Variants in OSBPL10 observed in about 807,000 individuals in gnomAD.
OSBPL10 encodes oxysterol binding protein like 10.
Under a neutral mutation model 81.7 loss-of-function variants are expected in OSBPL10, and 49 were observed. The ratio of observed to expected loss-of-function variants is 0.60; its 90% CI spans 0.48 to 0.76. The LOEUF is 0.76. OSBPL10 is among the 30% of genes least tolerant of loss of function. The pLI, the probability that OSBPL10 is intolerant of heterozygous loss-of-function variation, is 0.00. For synonymous variants in OSBPL10, 419 were observed against 383.6 expected (o/e 1.09, Z -1.08); for missense variants, 923 against 987.8 (o/e 0.93, Z 0.88).
At chr3:31,748,267 C>G (rs1428580658) in intron 4 of OSBPL10, 147 bp from the exon 5 acceptor site, 4 of 737,110 alleles carry the variant, frequency 5.4e-6, no homozygotes, top group African/African-American at 1.7e-5. Flanking sequence ...GATAAATACT[C>G]AATCCTGGGT....
At chr3:31,722,028 T>C (rs950809064) in intron 6 of OSBPL10, among the ~76,000 whole-genome samples, 3 of 152,134 alleles carry the variant, frequency 2.0e-5, no homozygotes, top group African/African-American at 2.4e-5. Context: ...CCCCATATCA[T>C]GAAACAGCTT....
At chr3:31,915,815 C>CG (rs1268709804) in intron 1 of OSBPL10, among the ~76,000 whole-genome samples, 3 of 151,998 alleles carry the variant, frequency 2.0e-5, no homozygotes, top group African/African-American at 7.2e-5. Context: ...AAATCCAGGC[C>CG]GGGAGTGGTA....
At chr3:32,058,831 G>A (rs1699733391) in intron 1 of OSBPL10, among the ~76,000 whole-genome samples, 1 of 152,152 alleles carries the variant, frequency 6.6e-6, no homozygotes, top group Admixed American at 6.5e-5. Flanking sequence ...GGGACTACAT[G>A]TATGCACCAC....
Position 32,070,491 on chromosome 3 carries a change from T to C in OSBPL10, n.185+6905A>G, listed in dbSNP as rs144937008. 9.0e-3 allele frequency among the ~76,000 whole-genome samples: 1,376 copies of C among 152,080 alleles called. 16 individuals are homozygous for C. Among genetic ancestry groups the C allele is most frequent in the Middle Eastern group, 0.034 (10 of 294 alleles). ...TTCCTCTCATATCCCCCAACCTTAA[T>C]CCACAAATATGGGACACCTCCACTC... is the stretch of plus-strand genomic sequence containing the variant. On this transcript the variant is annotated intron_variant and non_coding_transcript_variant, in intron 1 of 3. Transcript: ENST00000479173.
intron 2 of OSBPL10, among the ~76,000 whole-genome samples, chr3:32,022,346 T>C (rs1434261921): frequency 6.6e-6 from 1 of 152,152 alleles, no homozygotes; most frequent in Admixed American, 6.5e-5. Context: ...AACTCCCAGA[T>C]GGTTTACAGG....
At position 31,662,820 on chromosome 3, in the gene OSBPL10, C is replaced by G. The variant is rs1476244706; in HGVS notation, c.2251-704G>C. 8 of 985,288 alleles carry G rather than the reference C, an allele frequency of 8.1e-6. No individual in the cohort carries two copies. The East Asian group carries it at 6.8e-4, about 84-fold the overall frequency. 61.0% of individuals were successfully genotyped at this position (985,288 alleles called of 1,614,324 possible). On this transcript the variant is annotated intron_variant, in intron 11 of 11. Coordinates refer to ENST00000396556, the MANE Select transcript of OSBPL10 (RefSeq NM_017784.5). ...CTTCCACAGAAGCCAGACAAACTAG[C>G]TCTCTCAAGCTACTAGCTCCCTCAA...
chr3:32,058,292 G>A (rs1215267239), intron 1 of OSBPL10, among the ~76,000 whole-genome samples: 1 of 152,086 alleles, frequency 6.6e-6, no homozygotes, highest in African/African-American at 2.4e-5. Context: ...CTAGTTGGTA[G>A]GTATATGGGT....
At chr3:31,807,151 G>A (rs573847932) in intron 4 of OSBPL10, among the ~76,000 whole-genome samples, 6 of 150,680 alleles carry the variant, frequency 4.0e-5, no homozygotes, top group Non-Finnish European at 5.9e-5. Flanking sequence ...AGGCCAAGGC[G>A]GGTGGCTCAC....
chr3:32,076,325 G>A (rs545592562), intron 1 of OSBPL10, among the ~76,000 whole-genome samples: 195 of 151,314 alleles, frequency 1.3e-3, no homozygotes, highest in Non-Finnish European at 1.9e-3. Flanking sequence ...CAGAGATTGC[G>A]CCACTGCACT....
chr3:31,871,136 T>C (rs1034199880), intron 3 of OSBPL10, among the ~76,000 whole-genome samples: 5 of 152,168 alleles, frequency 3.3e-5, no homozygotes, highest in Non-Finnish European at 5.9e-5. Flanking sequence ...CCTTCTGCAC[T>C]GTAGAAGGTT....
chr3:31,868,797 C>A (rs1217886114), intron 3 of OSBPL10, among the ~76,000 whole-genome samples: 1 of 152,090 alleles, frequency 6.6e-6, no homozygotes. Context: ...GTTCTTTTTA[C>A]CCTACTTTTC....
intron 6 of OSBPL10, among the ~76,000 whole-genome samples, chr3:31,725,539 A>G (rs930239968): frequency 1.3e-5 from 2 of 152,110 alleles, no homozygotes; most frequent in African/African-American, 4.8e-5. Flanking sequence ...ATGATGAGAG[A>G]CCCTCACACA....
intron 4 of OSBPL10, among the ~76,000 whole-genome samples, chr3:31,812,802 GA>G: frequency 2.0e-5 from 1 of 50,148 alleles, no homozygotes; most frequent in East Asian, 8.3e-4. Flanking sequence ...AAGAAAGAAA[GA>G]AAGAAAGAAA....
At chr3:31,975,823 T>C (rs541103479) in intron 1 of OSBPL10, among the ~76,000 whole-genome samples, 1 of 152,186 alleles carries the variant, frequency 6.6e-6, no homozygotes, top group Non-Finnish European at 1.5e-5. Flanking sequence ...TGACAATACT[T>C]ACTCTACCCT....
chr3:31,747,178 C>G (rs1327177297), intron 5 of OSBPL10, among the ~76,000 whole-genome samples: 1 of 151,750 alleles, frequency 6.6e-6, no homozygotes, highest in Admixed American at 6.6e-5. Flanking sequence ...CTACTGAAAA[C>G]ATAAAATTTG....
At chr3:32,027,809 G>A (rs1235679566) in intron 2 of OSBPL10, among the ~76,000 whole-genome samples, 1 of 152,108 alleles carries the variant, frequency 6.6e-6, no homozygotes, top group Non-Finnish European at 1.5e-5. Context: ...TGTGTTAGGG[G>A]CAGGGGTGTT....
At chr3:31,835,677 T>G (rs1362860789) in intron 3 of OSBPL10, among the ~76,000 whole-genome samples, 1 of 151,976 alleles carries the variant, frequency 6.6e-6, no homozygotes, top group Non-Finnish European at 1.5e-5. Flanking sequence ...CAGAAAAAAA[T>G]CAAACAAGTC....
chr3:31,717,294 A>AT (rs1322895373), intron 6 of OSBPL10: 1 of 152,150 alleles, frequency 6.6e-6, no homozygotes, highest in African/African-American at 2.4e-5. Flanking sequence ...TTTCTGGATC[A>AT]TTATCTTCTG....
intron 4 of OSBPL10, among the ~76,000 whole-genome samples, chr3:31,814,465 C>T (rs1235275252): frequency 6.6e-6 from 1 of 152,070 alleles, no homozygotes; most frequent in Non-Finnish European, 1.5e-5. Context: ...CTGAGGTGGG[C>T]TCTAAATCCA....
Sources: gnomAD v4.1 joint callset for allele counts (sites outside exome capture counted in the v4.1 genomes callset) on GRCh38, gnomAD v4.1.1 for gene constraint, MANE v1.5 for transcripts, NCBI Gene and HGNC (gene_info 2026-07-23, HGNC 2026-07-21) for gene names.